The following GNB1 variants were observed in gnomAD, a reference collection of about 807,000 sequenced individuals.
GNB1 encodes guanine nucleotide-binding protein G(I)/G(S)/G(T) subunit beta-1.
Under a neutral mutation model 42.9 loss-of-function variants are expected in GNB1, and 2 were observed. That is an observed-to-expected ratio of 0.05 (90% CI 0.02 to 0.15). The LOEUF (loss-of-function observed/expected upper bound fraction) is 0.15, where lower values mean the gene tolerates loss of function less well. GNB1 is among the 10% of genes least tolerant of loss of function. The pLI is 1.00. For missense variants in GNB1, 193 were observed against 462.2 expected, an observed-to-expected ratio of 0.42 and a Z score of 5.34; for synonymous variants, 183 against 174.7, an observed-to-expected ratio of 1.05 and a Z score of -0.38.
intron 5 of GNB1, among the ~76,000 whole-genome samples, chr1:1,808,798 C>T (rs556901885): frequency 6.6e-6 from 1 of 152,214 alleles, no homozygotes; most frequent in South Asian, 2.1e-4. Context: ...TACGTGCCAC[C>T]ACACCTGGCT....
rs181083558 is a variant in GNB1 at position 1,837,618 on chromosome 1, G to A, written c.-47+1572C>T. On this transcript the variant is annotated intron_variant, in intron 2 of 11. Transcript: ENST00000378609. ...CTCTGTCACCAGGCTGGAGCACAAC[G>A]GTGCAATCTCAGCTCACTGCAACCT... Among the ~76,000 whole-genome samples the A allele has an allele frequency of 1.8e-4, 27 of 150,342 alleles. 1 individual carries two copies. The highest frequency in any genetic ancestry group is 4.3e-4 in the South Asian group (2 of 4,698).
At chr1:1,870,771 C>A (rs1649204176) in intron 1 of GNB1, among the ~76,000 whole-genome samples, 1 of 151,874 alleles carries the variant, frequency 6.6e-6, no homozygotes, top group South Asian at 2.1e-4. Flanking sequence ...CCCACCTCTA[C>A]TAAAAATGCA....
intron 1 of GNB1, among the ~76,000 whole-genome samples, chr1:1,868,627 A>T (rs1045851762): frequency 4.0e-5 from 6 of 151,866 alleles, no homozygotes; most frequent in Non-Finnish European, 7.4e-5. Context: ...CTAAAAATAC[A>T]AAAAAATTAG....
chr1:1,852,589 A>G (rs576105576), intron 1 of GNB1, among the ~76,000 whole-genome samples: 71 of 151,972 alleles, frequency 4.7e-4, no homozygotes, highest in African/African-American at 1.7e-3. Context: ...TAGCTACTCC[A>G]GAGGCTAAGA....
chr1:1,808,058 A>G (rs1646725624), intron 5 of GNB1, among the ~76,000 whole-genome samples: 1 of 151,516 alleles, frequency 6.6e-6, no homozygotes, highest in Non-Finnish European at 1.5e-5. Context: ...CCCAGGCTGG[A>G]GTGCAATGGT....
In GNB1 at chr1:1,855,419, C is replaced by T. The variant is rs1019716813; in HGVS notation, c.-95-16181G>A. 5.9e-5 allele frequency among the ~76,000 whole-genome samples: 9 copies of T among 151,722 alleles called. 1 individual carries two copies. In the East Asian group the frequency reaches 1.4e-3, roughly 23 times the overall value. On this transcript the variant is annotated intron_variant, in intron 1 of 11. Transcript: ENST00000378609. Reference sequence around the variant, plus strand: ...AAAAAGCAAGCAAAACAATAACTCCCGGCCGGGCGCGGTGGCTCACGCCTG... The same window carrying T: ...AAAAAGCAAGCAAAACAATAACTCCTGGCCGGGCGCGGTGGCTCACGCCTG...
In GNB1 at chr1:1,860,056, TA is replaced by T. The variant is rs201036120; in HGVS notation, c.-95-20819del. ...ATGTACCCTAGAACTTAAAGTATAA[TA>T]AAAAAAAAGTAAACAAAGAAGAAGT... On this transcript the variant is annotated intron_variant, in intron 1 of 11. Transcript: ENST00000378609. 8.5e-3 allele frequency among the ~76,000 whole-genome samples: 1,279 copies of T among 150,554 alleles called. 23 individuals are homozygous for T. The highest frequency in any genetic ancestry group is 0.062 in the South Asian group (295 of 4,764).
rs1646936184 is a variant in GNB1, at chr1:1,822,041, G to A, written c.57+3356C>T. ...TTCCAGCTACTCGGGAGGCTGCAGTGAGCTGTGATCGCACCACTGCTCTCC... is the reference window on the plus strand; with the variant it reads ...TTCCAGCTACTCGGGAGGCTGCAGTAAGCTGTGATCGCACCACTGCTCTCC... On this transcript the variant is annotated intron_variant, in intron 3 of 11. Transcript: ENST00000378609. Among the ~76,000 whole-genome samples the A allele has an allele frequency of 2.6e-5, 4 of 152,254 alleles. 1 individual carries two copies. The South Asian group carries it at 8.3e-4, about 32-fold the overall frequency.
At chr1:1,888,367 C>CAA (rs755158256) in intron 1 of GNB1, among the ~76,000 whole-genome samples, 47 of 118,182 alleles carry the variant, frequency 4.0e-4, no homozygotes, top group South Asian at 2.1e-3. Context: ...CTCTCAATCT[C>CAA]AAAAAAAAAA....
At chr1:1,880,406 G>A (rs1271974316) in intron 1 of GNB1, among the ~76,000 whole-genome samples, 2 of 151,750 alleles carry the variant, frequency 1.3e-5, no homozygotes, top group Admixed American at 6.6e-5. Flanking sequence ...CGAGACCACG[G>A]TGAAACCCCG....
Position 1,817,848 on chromosome 1 carries a change from T to G in GNB1, c.85A>C (p.Thr29Pro), listed in dbSNP as rs758197716. Residue 29 changes from threonine to proline, a missense_variant, in exon 4 of 12, where the codon ACT becomes CCT. Thr to Pro is a conservative substitution (Grantham distance 38). Transcript: ENST00000378609. The stretch of plus-strand genomic sequence containing the variant: ...CAGTGGGCTCTTACCTGAGAGAGAG[T>G]TGCATCTGCACATGCTTTCCTGGCG... ...RDARKACADA[T>P]LSQITNNIDP... 1 of 1,611,760 alleles carries G rather than the reference T, an allele frequency of 6.2e-7. No homozygotes were observed. Among genetic ancestry groups the G allele is most frequent in the Non-Finnish European group, 8.5e-7 (1 of 1,178,174 alleles).
Position 1,848,756 on chromosome 1 carries a change from T to C in GNB1, c.-95-9518A>G, listed in dbSNP as rs184995832. On this transcript the variant is annotated intron_variant, in intron 1 of 11. Transcript: ENST00000378609. ...TTGGGAGTCAAGTGATAGAAGAATT[T>C]TGACTGCACAGCAGGTTAGCACTCC... is the stretch of plus-strand genomic sequence containing the variant. 2.6e-5 allele frequency among the ~76,000 whole-genome samples: 4 copies of C among 152,332 alleles called. No homozygotes were observed. In the East Asian group the frequency reaches 5.8e-4, roughly 22 times the overall value.
At chr1:1,876,624 C>G (rs1486832678) in intron 1 of GNB1, among the ~76,000 whole-genome samples, 1 of 152,120 alleles carries the variant, frequency 6.6e-6, no homozygotes, top group African/African-American at 2.4e-5. Flanking sequence ...CCTCAGCCTC[C>G]CAAAGTGATA....
chr1:1,839,952 C>T (rs370070611), intron 1 of GNB1, among the ~76,000 whole-genome samples: 2 of 151,712 alleles, frequency 1.3e-5, no homozygotes, highest in African/African-American at 4.8e-5. Context: ...GTCAAGAGTT[C>T]GAGACCAGTC....
intron 5 of GNB1, among the ~76,000 whole-genome samples, chr1:1,811,840 C>T (rs1462876291): frequency 2.0e-5 from 3 of 151,852 alleles, no homozygotes; most frequent in African/African-American, 7.3e-5. Context: ...CCGAGGTGGG[C>T]AGATCATGAG....
At chr1:1,804,650 T>C in intron 6 of GNB1, 69 bp from the exon 7 acceptor site, 2 of 1,228,838 alleles carry the variant, frequency 1.6e-6, no homozygotes, top group Non-Finnish European at 2.3e-6. Flanking sequence ...CAGGATTTTC[T>C]CATCTCCAAC....
intron 1 of GNB1, among the ~76,000 whole-genome samples, chr1:1,855,593 C>T (rs1355895647): frequency 1.3e-5 from 2 of 149,338 alleles, no homozygotes. Context: ...CCCAGCTACT[C>T]GGGAGGCTGA....
In GNB1 at chr1:1,823,595, AT is replaced by A. The variant is rs1307726690; in HGVS notation, c.57+1801del. Among the ~76,000 whole-genome samples the A allele has an allele frequency of 3.3e-5, 5 of 152,330 alleles. No individual in the cohort carries two copies. The East Asian group carries it at 9.6e-4, about 29-fold the overall frequency. On this transcript the variant is annotated intron_variant, in intron 3 of 11. Coordinates refer to ENST00000378609, the MANE Select transcript of GNB1 (RefSeq NM_002074.5). ...CTGATCAGAGCAAACTATTAAAAAA[AT>A]CTAAGTCTTCCCTATTCACCTATGT... is the stretch of plus-strand genomic sequence containing the variant.
intron 2 of GNB1, among the ~76,000 whole-genome samples, chr1:1,833,111 G>A (rs1320744223): frequency 6.6e-6 from 1 of 152,054 alleles, no homozygotes; most frequent in Non-Finnish European, 1.5e-5. Context: ...GCACACCCCT[G>A]AGCCTCCTGT....
Sources: gnomAD v4.1 joint callset for allele counts (sites outside exome capture counted in the v4.1 genomes callset) on GRCh38, gnomAD v4.1.1 for gene constraint, MANE v1.5 for transcripts, NCBI Gene and HGNC (gene_info 2026-07-23, HGNC 2026-07-21) for gene names.